LMBR1: variants seen among roughly 807,000 people sequenced by gnomAD.
LMBR1 encodes limb development membrane protein 1, also known as limb region 1 protein homolog.
Under a neutral mutation model 73.9 loss-of-function variants are expected in LMBR1, and 52 were observed. That is an observed-to-expected ratio of 0.70 (90% CI 0.56 to 0.89). LMBR1 has a LOEUF of 0.89. LMBR1 is among the 40% of genes least tolerant of loss of function. LMBR1 has a pLI of 0.00. For missense variants in LMBR1, 539 were observed against 579.8 expected (o/e 0.93, Z 0.72); for synonymous variants, 215 against 209.4 (o/e 1.03, Z -0.23).
intron 16 of LMBR1, among the ~76,000 whole-genome samples, chr7:156,684,401 CG>C (rs1563127860): frequency 1.3e-5 from 2 of 152,118 alleles, no homozygotes; most frequent in African/African-American, 4.8e-5. Flanking sequence ...CAGGACAGCA[CG>C]TGAGGGTCCT....
rs75127683 is a variant in LMBR1 at position 156,882,552 on chromosome 7, G to T, written c.66+10376C>A. Among the ~76,000 whole-genome samples, 12 of 152,304 alleles carry T rather than the reference G, an allele frequency of 7.9e-5. No individual in the cohort carries two copies. The East Asian group carries it at 1.7e-3, about 22-fold the overall frequency. ...TACTGCATGATCCCACTTATATAAG[G>T]TATCTAAAATGGTCAAATTCACAGA... On this transcript the variant is annotated intron_variant, in intron 1 of 16. Coordinates refer to ENST00000353442, the MANE Select transcript of LMBR1 (RefSeq NM_022458.4).
At chr7:156,697,043 C>G (rs1293139813) in intron 15 of LMBR1, among the ~76,000 whole-genome samples, 1 of 146,120 alleles carries the variant, frequency 6.8e-6, no homozygotes, top group Non-Finnish European at 1.5e-5. Flanking sequence ...TAAGTGTAGG[C>G]CAGCTGAGAG....
chr7:156,872,566 G>A (rs191143994), intron 1 of LMBR1, among the ~76,000 whole-genome samples: 1 of 151,786 alleles, frequency 6.6e-6, no homozygotes, highest in Non-Finnish European at 1.5e-5. Context: ...AGAATCGCTT[G>A]AACCAGGGAG....
At position 156,727,912 on chromosome 7, in the gene LMBR1, T is replaced by TA. The variant is rs1324139617; in HGVS notation, c.993+17dup. ...ATACTTTTGCAAAAGAAAGACATTT[T>TA]AAAGGATTTTACTTTACCCTTGTTC... On this transcript the variant is annotated intron_variant, in intron 12 of 16. Coordinates refer to ENST00000353442, the MANE Select transcript of LMBR1 (RefSeq NM_022458.4). 1 of 1,582,950 alleles carries TA rather than the reference T, an allele frequency of 6.3e-7. No individual in the cohort carries two copies. The highest frequency in any genetic ancestry group is 8.7e-7 in the Non-Finnish European group (1 of 1,152,940).
intron 15 of LMBR1, among the ~76,000 whole-genome samples, chr7:156,689,269 A>AT (rs753364995): frequency 6.6e-6 from 1 of 152,208 alleles, no homozygotes; most frequent in Non-Finnish European, 1.5e-5. Context: ...AGGATAGAGC[A>AT]TTTGGGGGCC....
chr7:156,747,805 A>T (rs563145328), intron 9 of LMBR1: 3 of 152,358 alleles, frequency 2.0e-5, no homozygotes, highest in Non-Finnish European at 4.4e-5. Context: ...ATGTGAGGTC[A>T]CTCAAATACT....
intron 5 of LMBR1, among the ~76,000 whole-genome samples, chr7:156,780,075 G>A (rs1826854422): frequency 6.6e-6 from 1 of 152,176 alleles, no homozygotes; most frequent in African/African-American, 2.4e-5. Context: ...TAATCATTAA[G>A]AGCATACACG....
At chr7:156,688,329 C>A in intron 15 of LMBR1, 138 bp from the exon 16 acceptor site, 1 of 593,454 alleles carries the variant, frequency 1.7e-6, no homozygotes, top group East Asian at 3.2e-5. Flanking sequence ...TGAATAAATC[C>A]TAATTTAAAA....
chr7:156,675,478 G>T (rs1803674174), downstream of LMBR1, among the ~76,000 whole-genome samples: 1 of 152,286 alleles, frequency 6.6e-6, no homozygotes, highest in South Asian at 2.1e-4. Flanking sequence ...GGGGTAGTGT[G>T]TTCTGGACTC....
chr7:156,701,993 G>A (rs1450038859), intron 15 of LMBR1, among the ~76,000 whole-genome samples: 1 of 152,198 alleles, frequency 6.6e-6, no homozygotes, highest in Non-Finnish European at 1.5e-5. Context: ...ATTCCATGGT[G>A]TATATGTACC....
At chr7:156,868,570 G>A (rs1798806206) in intron 1 of LMBR1, among the ~76,000 whole-genome samples, 1 of 151,956 alleles carries the variant, frequency 6.6e-6, no homozygotes, top group Non-Finnish European at 1.5e-5. Context: ...TGCTGAGTCA[G>A]GAGAATTGCT....
At chr7:156,692,030 C>T (rs773354375) in intron 15 of LMBR1, among the ~76,000 whole-genome samples, 29 of 152,008 alleles carry the variant, frequency 1.9e-4, no homozygotes, top group Non-Finnish European at 3.4e-4. Context: ...GAAAGAGAGG[C>T]TCCACTTCTG....
At chr7:156,871,843 T>C (rs1229362068) in intron 1 of LMBR1, among the ~76,000 whole-genome samples, 1 of 152,192 alleles carries the variant, frequency 6.6e-6, no homozygotes, top group African/African-American at 2.4e-5. Flanking sequence ...TACTTAATTG[T>C]GAAAAACTGA....
rs534746017 is a variant in LMBR1 at position 156,725,519 on chromosome 7, A to C, written c.1074T>G (p.Leu358=). The C allele has an allele frequency of 1.9e-6, 3 of 1,587,624 alleles. No individual in the cohort carries two copies. Among genetic ancestry groups the C allele is most frequent in the East Asian group, 4.5e-5 (2 of 44,632 alleles). ...AALEIILIFY[L]MVSSVVGFYS... ...AGAAGCCGACAACAGAGGACACCAT[A>C]AGATAGCTGTGAGAATCAAGGAAAA... is the stretch of plus-strand genomic sequence containing the variant. Residue 358 remains leucine, a synonymous_variant, in exon 14 of 17, where the codon CTT becomes CTG. Coordinates refer to ENST00000353442, the MANE Select transcript of LMBR1 (RefSeq NM_022458.4).
At chr7:156,811,663 T>C (rs961077256) in intron 4 of LMBR1, among the ~76,000 whole-genome samples, 2 of 152,190 alleles carry the variant, frequency 1.3e-5, no homozygotes, top group African/African-American at 4.8e-5. Context: ...GACATCTCAG[T>C]TGCAGACTCA....
intron 15 of LMBR1, among the ~76,000 whole-genome samples, chr7:156,704,803 G>C (rs917072883): frequency 2.0e-5 from 3 of 148,626 alleles, no homozygotes; most frequent in Admixed American, 1.3e-4. Flanking sequence ...TTAATATAAG[G>C]AAGTATAAAA....
At chr7:156,812,292 G>A (rs1216796694) in intron 4 of LMBR1, among the ~76,000 whole-genome samples, 3 of 152,116 alleles carry the variant, frequency 2.0e-5, no homozygotes, top group African/African-American at 7.2e-5. Context: ...AATTACATGA[G>A]CCTTTCATGT....
At chr7:156,738,721 A>G (rs1818358543) in intron 9 of LMBR1, among the ~76,000 whole-genome samples, 1 of 152,158 alleles carries the variant, frequency 6.6e-6, no homozygotes, top group African/African-American at 2.4e-5. Context: ...ACCCTGGGCC[A>G]GAAGGGAACC....
At chr7:156,675,056 G>C (rs983741825), downstream of LMBR1, among the ~76,000 whole-genome samples, 2 of 152,216 alleles carry the variant, frequency 1.3e-5, no homozygotes, top group African/African-American at 4.8e-5. Context: ...GATTTACTTA[G>C]TAAGTCCCAT....
Sources: gnomAD v4.1 joint callset for allele counts (sites outside exome capture counted in the v4.1 genomes callset) on GRCh38, gnomAD v4.1.1 for gene constraint, MANE v1.5 for transcripts, NCBI Gene and HGNC (gene_info 2026-07-23, HGNC 2026-07-21) for gene names.